The following PCM1 variants were observed in gnomAD, a reference collection of about 807,000 sequenced individuals.
The protein encoded by PCM1 is pericentriolar material 1.
PCM1 carries 157 observed loss-of-function variants against 241.9 expected under a neutral mutation model. The ratio of observed to expected loss-of-function variants is 0.65; its 90% CI spans 0.57 to 0.74. The LOEUF is 0.74. PCM1 is among the 30% of genes least tolerant of loss of function. The pLI, the probability that PCM1 is intolerant of heterozygous loss-of-function variation, is 0.00. For synonymous variants in PCM1, 1,085 were observed against 784.9 expected (o/e 1.38, Z -6.39); for missense variants, 3,478 against 2,360.1 (o/e 1.47, Z -9.81).
intron 2 of PCM1, among the ~76,000 whole-genome samples, chr8:17,932,893 T>A (rs1426186852): frequency 6.6e-6 from 1 of 152,176 alleles, no homozygotes; most frequent in Non-Finnish European, 1.5e-5. Flanking sequence ...TCCAATACCC[T>A]AAGGCATCTG....
At chr8:17,929,015 T>G (rs570455248) in intron 2 of PCM1, among the ~76,000 whole-genome samples, 1 of 152,306 alleles carries the variant, frequency 6.6e-6, no homozygotes, top group African/African-American at 2.4e-5. Context: ...CCGTCTGTGC[T>G]TGCTTCTCAT....
At chr8:18,009,372 A>C (rs1029026855) in intron 30 of PCM1, among the ~76,000 whole-genome samples, 175 bp from the exon 31 acceptor site, 32 of 152,350 alleles carry the variant, frequency 2.1e-4, no homozygotes, top group African/African-American at 7.5e-4. Flanking sequence ...CTCTTTAAGC[A>C]GGACTAGCAA....
intron 26 of PCM1, among the ~76,000 whole-genome samples, chr8:17,986,696 G>A (rs187407329): frequency 1.3e-4 from 20 of 151,842 alleles, no homozygotes; most frequent in African/African-American, 4.8e-4. Context: ...AGTATATTGA[G>A]GAGATAATGT....
At chr8:17,952,423 G>C (rs925981982) in intron 8 of PCM1, among the ~76,000 whole-genome samples, 2 of 152,056 alleles carry the variant, frequency 1.3e-5, no homozygotes, top group African/African-American at 2.4e-5. Flanking sequence ...CTGATGTCTA[G>C]TGAATCCAAG....
At chr8:17,929,641 C>G (rs969918369) in intron 2 of PCM1, among the ~76,000 whole-genome samples, 4 of 152,178 alleles carry the variant, frequency 2.6e-5, no homozygotes, top group African/African-American at 9.7e-5. Context: ...TCTTTTAACT[C>G]TACTATCCTT....
intron 23 of PCM1, among the ~76,000 whole-genome samples, chr8:17,973,242 G>C (rs1322811223): frequency 6.6e-6 from 1 of 152,114 alleles, no homozygotes; most frequent in Non-Finnish European, 1.5e-5. Context: ...TATGGTGTTA[G>C]TCATACCTCT....
chr8:17,998,889 A>G (rs942775784), intron 29 of PCM1, among the ~76,000 whole-genome samples: 2 of 151,956 alleles, frequency 1.3e-5, no homozygotes, highest in African/African-American at 4.8e-5. Flanking sequence ...AGTCCTTCCC[A>G]CTTTTACCTC....
rs2093951557 is a variant in PCM1 at position 18,023,809 on chromosome 8, TGCCATCAGGGAA to T, written c.5842-1549_5842-1538del. Among the ~76,000 whole-genome samples the T allele has an allele frequency of 1.3e-5, 2 of 152,222 alleles. 1 individual carries two copies. The highest frequency in any genetic ancestry group is 4.8e-5 in the African/African-American group (2 of 41,458). Reference sequence around the variant, plus strand: ...AGCAGCCACTCACACGTCAGATGATTGCCATCAGGGAAGCTAACACTGTGTAAACTTGATGGA... The same window carrying T: ...AGCAGCCACTCACACGTCAGATGATTGCTAACACTGTGTAAACTTGATGGA... On this transcript the variant is annotated intron_variant, in intron 36 of 38. Coordinates refer to ENST00000325083, the MANE Select transcript of PCM1 (RefSeq NM_006197.4).
At chr8:17,928,940 C>T (rs1460370132) in intron 2 of PCM1, among the ~76,000 whole-genome samples, 1 of 152,044 alleles carries the variant, frequency 6.6e-6, no homozygotes, top group Non-Finnish European at 1.5e-5. Context: ...CCAGTATCTC[C>T]CTCCTTACCA....
chr8:17,930,684 C>T (rs1198509050), intron 2 of PCM1, among the ~76,000 whole-genome samples: 2 of 151,872 alleles, frequency 1.3e-5, no homozygotes, highest in Admixed American at 1.3e-4. Context: ...GGAGACCATC[C>T]TGGCTAACAT....
In PCM1 at chr8:17,950,696, G is replaced by A. The variant is rs150907895; in HGVS notation, c.1043G>A (p.Arg348His). Residue 348 changes from arginine (R) to histidine (H), a missense_variant, in exon 8 of 39, where the codon CGT (arginine) becomes CAT (histidine). Arg to His is a conservative substitution (Grantham distance 29). Coordinates refer to ENST00000325083, the MANE Select transcript of PCM1 (RefSeq NM_006197.4). Reference protein sequence around the residue: ...LNEELNDLIQRFHNQLRDSQP... With the variant: ...LNEELNDLIQHFHNQLRDSQP... The stretch of plus-strand genomic sequence containing the variant: ...GAAGAATTGAATGACTTAATTCAGC[G>A]TTTTCATAATCAGCTTCGTGATTCT... The A allele has an allele frequency of 1.5e-5, 24 of 1,595,750 alleles. No individual in the cohort carries two copies. Among genetic ancestry groups the A allele is most frequent in the African/African-American group, 6.7e-5 (5 of 74,722 alleles).
chr8:18,014,093 GC>G (rs2092854534), intron 35 of PCM1, 57 bp downstream of exon 35: 1 of 826,898 alleles, frequency 1.2e-6, no homozygotes, highest in South Asian at 2.1e-5. Context: ...TTGCTTTAAA[GC>G]TAAAAAAAAA....
At chr8:17,927,480 C>T (rs1315214165) in intron 2 of PCM1, 1 of 151,980 alleles carries the variant, frequency 6.6e-6, no homozygotes, top group African/African-American at 2.4e-5. Flanking sequence ...AAACTGTAGT[C>T]ATAGGTATTT....
Position 17,971,935 on chromosome 8 carries a change from G to A in PCM1, c.3585-394G>A, listed in dbSNP as rs373289446. Among the ~76,000 whole-genome samples, 11 of 151,930 alleles carry A rather than the reference G, an allele frequency of 7.2e-5. No homozygotes were observed. The East Asian group carries it at 1.6e-3, about 22-fold the overall frequency. On this transcript the variant is annotated intron_variant, in intron 22 of 38. Transcript: ENST00000325083. The stretch of plus-strand genomic sequence containing the variant: ...ATTTTTAAAATTTTTTTTAGAGACG[G>A]GGTCTCACCAACTTGTCTGGGCTGG...
Position 17,952,965 on chromosome 8 carries a change from A to T in PCM1, c.1072-5A>T. On this transcript the variant is annotated splice_region_variant and splice_polypyrimidine_tract_variant and intron_variant, in intron 8 of 38. Coordinates refer to ENST00000325083, the MANE Select transcript of PCM1 (RefSeq NM_006197.4). ...TCTTCTTTTTTGTTGTTTTTTTTTA[A>T]TAAGCCTCCAGCTGTTCCAGACAAT... 1 of 1,522,454 alleles carries T rather than the reference A, an allele frequency of 6.6e-7. No individual in the cohort carries two copies. Among genetic ancestry groups the T allele is most frequent in the Non-Finnish European group, 8.8e-7 (1 of 1,132,594 alleles). The allele number at this position is 1,522,454 out of a possible 1,614,324, so 94.3% of individuals were successfully genotyped here.
chr8:17,973,717 G>GAAAA (rs756070246), intron 23 of PCM1, among the ~76,000 whole-genome samples: 3 of 112,614 alleles, frequency 2.7e-5, no homozygotes, highest in Non-Finnish European at 5.7e-5. Context: ...GTCTCTGTCA[G>GAAAA]AAAAAAAAAA....
intron 30 of PCM1, among the ~76,000 whole-genome samples, chr8:18,008,073 C>T (rs1253100985): frequency 6.6e-6 from 1 of 152,088 alleles, no homozygotes; most frequent in Non-Finnish European, 1.5e-5. Flanking sequence ...GCACAGATTC[C>T]AAAGAATAGA....
chr8:17,988,117 TTTGTGTC>T (rs1193914338), intron 26 of PCM1, among the ~76,000 whole-genome samples: 2 of 151,698 alleles, frequency 1.3e-5, no homozygotes, highest in Non-Finnish European at 3.0e-5. Flanking sequence ...GAAAACACAC[TTTGTGTC>T]TCCTGCTCCC....
chr8:18,014,930 C>T, intron 36 of PCM1, 90 bp downstream of exon 36: 10 of 1,161,804 alleles, frequency 8.6e-6, no homozygotes, highest in Non-Finnish European at 1.2e-5. Context: ...ACATGTAAAC[C>T]ATTTTGTGTT....
Sources: allele counts gnomAD v4.1 joint callset (sites outside exome capture counted in the v4.1 genomes callset), GRCh38; gene constraint gnomAD v4.1.1; transcripts MANE v1.5; gene names NCBI Gene and HGNC (gene_info 2026-07-23, HGNC 2026-07-21).